CEP350: variants seen among roughly 807,000 people sequenced by gnomAD.
CEP350 encodes centrosomal protein 350.
In CEP350, 126 loss-of-function variants were observed where a neutral mutation model predicts 331.8. The ratio of observed to expected loss-of-function variants is 0.38; its 90% CI spans 0.33 to 0.44. The LOEUF (loss-of-function observed/expected upper bound fraction) is 0.44. Ranked by LOEUF, CEP350 falls within the 20% of genes least tolerant of loss-of-function variation. CEP350 has a pLI of 1.00. For missense variants in CEP350, 3,406 were observed against 3,634.6 expected (o/e 0.94, Z 1.62); for synonymous variants, 1,200 against 1,259.5 (o/e 0.95, Z 1.00).
At chr1:180,092,025 CAG>C (rs1202728402) in intron 33 of CEP350, among the ~76,000 whole-genome samples, 1 of 147,232 alleles carries the variant, frequency 6.8e-6, no homozygotes, top group East Asian at 2.0e-4. Flanking sequence ...GCTTAGGTGA[CAG>C]AGCAGATTCT....
chr1:180,047,765 A>AG (rs1279443568), intron 21 of CEP350, among the ~76,000 whole-genome samples: 1 of 127,226 alleles, frequency 7.9e-6, no homozygotes, highest in Non-Finnish European at 1.9e-5. Context: ...CTCAAAAAAA[A>AG]AAAAAAAAAA....
At position 180,018,189 on chromosome 1, in the gene CEP350, A is replaced by AT. The variant is rs1460072241; in HGVS notation, c.2175-1753dup. ...CCTGGCTAATTTTATTTTGTTTTTT[A>AT]TTTTTTTGGAGATGAGGAGCTTGCT... On this transcript the variant is annotated intron_variant, in intron 11 of 37. Transcript: ENST00000367607. 1.1e-4 allele frequency among the ~76,000 whole-genome samples: 16 copies of AT among 151,764 alleles called. No homozygotes were observed. The East Asian group carries it at 3.1e-3, about 29-fold the overall frequency.
At chr1:179,999,131 T>G (rs1218005738) in intron 6 of CEP350, among the ~76,000 whole-genome samples, 1 of 152,152 alleles carries the variant, frequency 6.6e-6, no homozygotes, top group Non-Finnish European at 1.5e-5. Context: ...AAGTATAGAT[T>G]ACATATTTAA....
Position 180,020,640 on chromosome 1 carries a change from A to ACTGACTCTTCTAGCT in CEP350, c.2871_2885dup (p.Ser958_Asp962dup). 6.2e-7 allele frequency: 1 copy of ACTGACTCTTCTAGCT among 1,613,996 alleles called. No homozygotes were observed. Among genetic ancestry groups the ACTGACTCTTCTAGCT allele is most frequent in the Non-Finnish European group, 8.5e-7 (1 of 1,179,888 alleles). On this transcript the variant is annotated inframe_insertion, in exon 12 of 38. Transcript: ENST00000367607. ...ACTGGCACAGTTATGTAAAAGGCAG[A>ACTGACTCTTCTAGCT]CTGACTCTTCTAGCTCTGATATGCA...
intron 1 of CEP350, among the ~76,000 whole-genome samples, chr1:179,958,654 A>G (rs1427275241): frequency 6.6e-6 from 1 of 152,236 alleles, no homozygotes; most frequent in Non-Finnish European, 1.5e-5. Context: ...AAAGTCAACT[A>G]TAAATTGGAT....
chr1:179,994,219 G>A (rs1653306320), intron 5 of CEP350, among the ~76,000 whole-genome samples: 1 of 152,000 alleles, frequency 6.6e-6, no homozygotes, highest in Non-Finnish European at 1.5e-5. Context: ...TTTTGTTGGG[G>A]GGGTGTTAAT....
In CEP350 at chr1:180,036,943, C is replaced by T; in HGVS notation, c.3964C>T (p.Pro1322Ser). The T allele has an allele frequency of 1.3e-6, 2 of 1,577,262 alleles. No homozygotes were observed. Among genetic ancestry groups the T allele is most frequent in the Non-Finnish European group, 1.7e-6 (2 of 1,164,250 alleles). ...APIPGSKRFS[P>S]AGLHHRMAAE... is the part of the protein sequence containing the mutation. ...CCTTCCAGGTTCTAAGCGCTTTTCT[C>T]CTGCTGGCCTCCATCATCGTATGGC... The change falls in exon 17 of 38, where the codon CCT (proline) becomes TCT (serine). Residue 1322 changes from proline to serine, a missense_variant. Physicochemically the swap from Pro to Ser is moderately conservative, Grantham distance 74. This residue lies in a region of CEP350 where 1,857 missense variants were observed against 1,909.2 expected (regional missense o/e 0.97). Coordinates refer to ENST00000367607, the MANE Select transcript of CEP350 (RefSeq NM_014810.5).
intron 28 of CEP350, among the ~76,000 whole-genome samples, chr1:180,077,702 A>G (rs1219476856): frequency 6.6e-6 from 1 of 151,366 alleles, no homozygotes; most frequent in African/African-American, 2.4e-5. Context: ...GCCAAAATAA[A>G]TGGAACATTA....
intron 33 of CEP350, among the ~76,000 whole-genome samples, 193 bp downstream of exon 33, chr1:180,090,989 G>T (rs1351745826): frequency 1.5e-4 from 23 of 151,044 alleles, no homozygotes; most frequent in Admixed American, 1.4e-3. Context: ...AATCCTTTTT[G>T]TTTGTTTTAG....
In CEP350 at chr1:179,954,997, C is replaced by A; in HGVS notation, c.-159C>A. The A allele has an allele frequency of 7.9e-7, 1 of 1,271,380 alleles. No homozygotes were observed. Among genetic ancestry groups the A allele is most frequent in the Non-Finnish European group, 1.0e-6 (1 of 995,930 alleles). The allele number at this position is 1,271,380 out of a possible 1,614,324, so 78.8% of individuals were successfully genotyped here. ...CAGCGGACCGGCGGATCCCCGGAGC[C>A]GGTGCGAGGAGGGCACCCGGTGCGT... On this transcript the variant is annotated 5_prime_UTR_variant, in exon 1 of 38. Coordinates refer to ENST00000367607, the MANE Select transcript of CEP350 (RefSeq NM_014810.5).
At position 180,017,276 on chromosome 1, in the gene CEP350, A is replaced by G. The variant is rs148940529; in HGVS notation, c.2174+1306A>G. ...CTACTCCCCAAAAGTGAAATGTTTC[A>G]TATGATTTGCTTAAGGTTCTAAATA... On this transcript the variant is annotated intron_variant, in intron 11 of 37. Coordinates refer to ENST00000367607, the MANE Select transcript of CEP350 (RefSeq NM_014810.5). Among the ~76,000 whole-genome samples the G allele has an allele frequency of 6.0e-3, 911 of 152,328 alleles. 11 individuals carry two copies. Among genetic ancestry groups the G allele is most frequent in the African/African-American group, 0.021 (870 of 41,578 alleles).
At chr1:180,064,321 C>T (rs1319347256) in intron 26 of CEP350, among the ~76,000 whole-genome samples, 1 of 152,122 alleles carries the variant, frequency 6.6e-6, no homozygotes, top group Non-Finnish European at 1.5e-5. Context: ...GGTTCTGAGA[C>T]CCCACTCTTG....
intron 21 of CEP350, among the ~76,000 whole-genome samples, chr1:180,047,797 A>T (rs995126813): frequency 6.6e-6 from 1 of 151,576 alleles, no homozygotes; most frequent in African/African-American, 2.4e-5. Flanking sequence ...AAGGACCAAA[A>T]CAGAACCATC....
intron 16 of CEP350, among the ~76,000 whole-genome samples, chr1:180,036,332 A>G (rs1331753084): frequency 6.6e-6 from 1 of 152,238 alleles, no homozygotes; most frequent in Non-Finnish European, 1.5e-5. Flanking sequence ...GTTTGAGAGG[A>G]TTATCTCCAG....
At chr1:179,976,540 G>A (rs2148623524) in intron 1 of CEP350, among the ~76,000 whole-genome samples, 1 of 151,842 alleles carries the variant, frequency 6.6e-6, no homozygotes, top group South Asian at 2.1e-4. Context: ...ATATGTCCCA[G>A]CTACTTGGGA....
At chr1:179,990,475 A>G (rs749626002) in intron 3 of CEP350, 32 bp from the exon 4 acceptor site, 4 of 1,133,100 alleles carry the variant, frequency 3.5e-6, no homozygotes, top group Non-Finnish European at 3.8e-6. Flanking sequence ...TACAGAATTA[A>G]CTTATGTCTT....
In CEP350 at chr1:180,015,523, C is replaced by T. The variant is rs556927679; in HGVS notation, c.2053-326C>T. Among the ~76,000 whole-genome samples the T allele has an allele frequency of 5.1e-4, 78 of 152,218 alleles. 1 individual carries two copies. The South Asian group carries it at 0.015, about 29-fold the overall frequency. Reference sequence around the variant, plus strand: ...TGCTGGGATTACAGGCGTGAGCCACCGCTCCTGGCCGGAAATTGTTTATTT... The same window carrying T: ...TGCTGGGATTACAGGCGTGAGCCACTGCTCCTGGCCGGAAATTGTTTATTT... On this transcript the variant is annotated intron_variant, in intron 10 of 37. Coordinates refer to ENST00000367607, the MANE Select transcript of CEP350 (RefSeq NM_014810.5).
intron 1 of CEP350, among the ~76,000 whole-genome samples, chr1:179,960,785 ATATT>A (rs1328887811): frequency 5.3e-5 from 8 of 152,286 alleles, no homozygotes; most frequent in African/African-American, 1.7e-4. Context: ...AGTAATAAAA[ATATT>A]TATTTCAATT....
chr1:180,026,215 G>C (rs1422866797), intron 14 of CEP350, among the ~76,000 whole-genome samples: 1 of 151,394 alleles, frequency 6.6e-6, no homozygotes, highest in Non-Finnish European at 1.5e-5. Flanking sequence ...AGGTTGCAGT[G>C]AGCCGAGACT....
Sources: gnomAD v4.1 joint callset for allele counts (sites outside exome capture counted in the v4.1 genomes callset) on GRCh38, gnomAD v4.1.1 for gene constraint, gnomAD v4.1.1 regional missense constraint, MANE v1.5 for transcripts, NCBI Gene and HGNC (gene_info 2026-07-23, HGNC 2026-07-21) for gene names.